The following KANK1 variants were observed in gnomAD, a reference collection of about 807,000 sequenced individuals.
KANK1 encodes the protein KN motif and ankyrin repeat domain-containing protein 1.
In KANK1, 109 loss-of-function variants were observed where a neutral mutation model predicts 106.2. That is an observed-to-expected ratio of 1.03 (90% CI 0.88 to 1.20). The LOEUF is 1.20. Ranked by LOEUF, KANK1 falls within the 50% of genes most tolerant of loss-of-function variation. The pLI, the probability that KANK1 is intolerant of heterozygous loss-of-function variation, is 0.00. For synonymous variants in KANK1, 873 were observed against 652.2 expected, an observed-to-expected ratio of 1.34 and a Z score of -5.16; for missense variants, 2,399 against 1,710.7, an observed-to-expected ratio of 1.40 and a Z score of -7.10.
chr9:532,607 T>G (rs1432660299), intron 1 of KANK1, among the ~76,000 whole-genome samples: 1 of 152,104 alleles, frequency 6.6e-6, no homozygotes, highest in African/African-American at 2.4e-5. Context: ...TTTAGACATA[T>G]AGTTGATACT....
chr9:663,990 T>C (rs1843979969), intron 1 of KANK1, among the ~76,000 whole-genome samples: 1 of 152,014 alleles, frequency 6.6e-6, no homozygotes, highest in South Asian at 2.1e-4. Flanking sequence ...CTCACCCAGA[T>C]CTCATCTTGA....
At chr9:570,600 C>T (rs952591205) in intron 1 of KANK1, among the ~76,000 whole-genome samples, 4 of 152,200 alleles carry the variant, frequency 2.6e-5, no homozygotes, top group African/African-American at 9.7e-5. Context: ...CATGCTGCTT[C>T]ATTCGATTAT....
chr9:558,105 C>A (rs1476186967), intron 1 of KANK1, among the ~76,000 whole-genome samples: 3 of 152,078 alleles, frequency 2.0e-5, no homozygotes, highest in Non-Finnish European at 2.9e-5. Flanking sequence ...GTGGAAAAAA[C>A]CAGTGTAGAA....
upstream of KANK1, among the ~76,000 whole-genome samples, chr9:501,290 G>T (rs1015607438): frequency 6.6e-6 from 1 of 151,988 alleles, no homozygotes; most frequent in Non-Finnish European, 1.5e-5. Context: ...ACCAGACAAC[G>T]CACTGACTGG....
At chr9:504,169 C>G (rs939587659), upstream of KANK1, among the ~76,000 whole-genome samples, 1 of 152,194 alleles carries the variant, frequency 6.6e-6, no homozygotes, top group Non-Finnish European at 1.5e-5. Flanking sequence ...AGCCTCGTTG[C>G]CAGAACCCCC....
rs1202087702 is a variant in KANK1, at chr9:730,035, T to C, written c.2699-16T>C. 1 of 1,611,820 alleles carries C rather than the reference T, an allele frequency of 6.2e-7. No homozygotes were observed. The highest frequency in any genetic ancestry group is 8.5e-7 in the Non-Finnish European group (1 of 1,178,334). On this transcript the variant is annotated splice_polypyrimidine_tract_variant and intron_variant, in intron 3 of 11. Transcript: ENST00000382297. The stretch of plus-strand genomic sequence containing the variant: ...TCCTAGCATCACACACTCTGTACCT[T>C]TCTTTTTCCTGATAGGCAATTATTT...
At chr9:706,652 A>T (rs1206216834) in intron 2 of KANK1, among the ~76,000 whole-genome samples, 2 of 151,976 alleles carry the variant, frequency 1.3e-5, no homozygotes, top group Non-Finnish European at 2.9e-5. Flanking sequence ...TTTTAAGAAG[A>T]ACTTTTCATC....
intron 1 of KANK1, among the ~76,000 whole-genome samples, chr9:550,860 T>G (rs1049808514): frequency 6.6e-6 from 1 of 152,150 alleles, no homozygotes; most frequent in Admixed American, 6.5e-5. Flanking sequence ...TTTATTAAAG[T>G]CTTCTTTTTC....
intron 2 of KANK1, among the ~76,000 whole-genome samples, chr9:472,439 C>A (rs975098843): frequency 6.6e-6 from 1 of 152,030 alleles, no homozygotes; most frequent in African/African-American, 2.4e-5. Flanking sequence ...AGAGCTCTCT[C>A]AGGACCCAGT....
At chr9:542,610 C>T (rs949274291) in intron 1 of KANK1, among the ~76,000 whole-genome samples, 10 of 152,184 alleles carry the variant, frequency 6.6e-5, no homozygotes, top group African/African-American at 2.4e-4. Flanking sequence ...TTCTGTGTCC[C>T]TCGCAGCATG....
chr9:589,870 T>C (rs1372823675), intron 1 of KANK1, among the ~76,000 whole-genome samples: 4 of 152,198 alleles, frequency 2.6e-5, no homozygotes, highest in Non-Finnish European at 5.9e-5. Context: ...CAGAGACCTC[T>C]GCAGGATGCA....
chr9:734,209 A>T (rs1833118226), intron 6 of KANK1: 1 of 150,670 alleles, frequency 6.6e-6, no homozygotes, highest in African/African-American at 2.5e-5. Context: ...GCCGAATGTC[A>T]CCCTCCCAAA....
chr9:503,681 GT>G (rs1357808974), upstream of KANK1, among the ~76,000 whole-genome samples: 128 of 152,272 alleles, frequency 8.4e-4, no homozygotes, highest in Admixed American at 2.3e-3. Context: ...AGCTAACATT[GT>G]TTTTTGAGTA....
upstream of KANK1, among the ~76,000 whole-genome samples, chr9:501,465 T>C (rs1587279670): frequency 6.6e-6 from 1 of 152,208 alleles, no homozygotes. Flanking sequence ...AGCTATTTGT[T>C]GCCTTCATTT....
intron 3 of KANK1, among the ~76,000 whole-genome samples, chr9:724,957 C>T (rs1203546648): frequency 6.6e-6 from 1 of 152,112 alleles, no homozygotes; most frequent in East Asian, 1.9e-4. Context: ...AAGTCAAAGG[C>T]ACATTAGGCA....
intron 6 of KANK1, chr9:732,834 C>T: frequency 2.3e-6 from 1 of 434,344 alleles, no homozygotes; most frequent in Non-Finnish European, 4.1e-6. Flanking sequence ...CCCTTGTTTT[C>T]TGAAACCTTA....
chr9:732,168 T>C (rs919776359), intron 5 of KANK1: 4 of 492,142 alleles, frequency 8.1e-6, no homozygotes, highest in Non-Finnish European at 1.4e-5. Flanking sequence ...TGATACCAAT[T>C]GGTTATATGA....
At chr9:734,896 T>C in intron 7 of KANK1, 61 bp downstream of exon 7, 1 of 1,239,510 alleles carries the variant, frequency 8.1e-7, no homozygotes, top group South Asian at 1.2e-5. Flanking sequence ...GGGTTCATTG[T>C]CAAGGCCAGC....
At chr9:609,253 T>C (rs182057374) in intron 1 of KANK1, among the ~76,000 whole-genome samples, 1 of 152,396 alleles carries the variant, frequency 6.6e-6, no homozygotes, top group African/African-American at 2.4e-5. Context: ...TATAAGTTTA[T>C]TGTTTGTAAA....
Sources: allele counts gnomAD v4.1 joint callset (sites outside exome capture counted in the v4.1 genomes callset), GRCh38; gene constraint gnomAD v4.1.1; transcripts MANE v1.5; gene names NCBI Gene and HGNC (gene_info 2026-07-23, HGNC 2026-07-21).